ASH1L: variants seen among roughly 807,000 people sequenced by gnomAD.
The protein encoded by ASH1L is histone-lysine N-methyltransferase ASH1L.
In ASH1L, 23 loss-of-function variants were observed where a neutral mutation model predicts 269.0. That is an observed-to-expected ratio of 0.09 (90% CI 0.06 to 0.12). The LOEUF (loss-of-function observed/expected upper bound fraction) is 0.12, where lower values mean the gene tolerates loss of function less well. Among genes scored for constraint, ASH1L ranks in the 10% least tolerant of loss-of-function variants. The pLI, the probability that ASH1L is intolerant of heterozygous loss-of-function variation, is 1.00. For missense variants in ASH1L, 2,912 were observed against 3,567.8 expected (o/e 0.82, Z 4.68); for synonymous variants, 1,187 against 1,253.5 (o/e 0.95, Z 1.12).
At chr1:155,346,507 A>G in intron 20 of ASH1L, 38 bp from the exon 21 acceptor site, 1 of 1,575,452 alleles carries the variant, frequency 6.3e-7, no homozygotes. Context: ...CATGGAGGCT[A>G]TGACTTATTG....
chr1:155,531,453 T>A (rs1571081610), intron 1 of ASH1L, among the ~76,000 whole-genome samples: 1 of 151,544 alleles, frequency 6.6e-6, no homozygotes, highest in Admixed American at 6.6e-5. Flanking sequence ...GCCTCCCGGG[T>A]TCAAGCAAAG....
intron 12 of ASH1L, among the ~76,000 whole-genome samples, chr1:155,366,424 CG>C (rs1209926794): frequency 6.6e-6 from 1 of 152,144 alleles, no homozygotes; most frequent in East Asian, 1.9e-4. Flanking sequence ...CAGCAGCCCT[CG>C]GGGCTGCTCT....
chr1:155,475,076 CT>C (rs1228467360), intron 3 of ASH1L, among the ~76,000 whole-genome samples: 1 of 152,170 alleles, frequency 6.6e-6, no homozygotes, highest in Non-Finnish European at 1.5e-5. Flanking sequence ...CACGATGAAG[CT>C]TTTTTCAGTT....
chr1:155,558,186 T>A (rs1671723142), intron 1 of ASH1L, among the ~76,000 whole-genome samples: 1 of 152,236 alleles, frequency 6.6e-6, no homozygotes, highest in Non-Finnish European at 1.5e-5. Flanking sequence ...TAAGAAGTGA[T>A]GTGCAGGTGC....
chr1:155,460,404 T>C (rs1664205754), intron 3 of ASH1L, among the ~76,000 whole-genome samples: 1 of 152,140 alleles, frequency 6.6e-6, no homozygotes, highest in African/African-American at 2.4e-5. Context: ...GGTCAAGAGT[T>C]TGAGACCAGC....
chr1:155,532,547 C>T (rs934196541), intron 1 of ASH1L, among the ~76,000 whole-genome samples: 2 of 151,946 alleles, frequency 1.3e-5, no homozygotes, highest in East Asian at 3.9e-4. Flanking sequence ...CTGGGCTGGG[C>T]GTGGTTGCTC....
chr1:155,481,189 T>C lies in ASH1L; in HGVS notation c.1681A>G (p.Thr561Ala), dbSNP rs1334249622. 3 of 1,613,586 alleles carry C rather than the reference T, an allele frequency of 1.9e-6. No homozygotes were observed. Among genetic ancestry groups the C allele is most frequent in the East Asian group, 2.2e-5 (1 of 44,868 alleles). The part of the protein sequence containing the change: ...GESNLPSPSP[T>A]VSVNPLTRSP... ...CTGGTTAAAGGATTAACAGATACAGTAGGTGATGGGGAAGGGAGATTGCTT... is the reference window on the plus strand; with the variant it reads ...CTGGTTAAAGGATTAACAGATACAGCAGGTGATGGGGAAGGGAGATTGCTT... The change falls in exon 3 of 28, where the codon ACT becomes GCT. Residue 561 changes from threonine (T) to alanine (A), a missense_variant. Physicochemically the swap from Thr to Ala is moderately conservative, Grantham distance 58 (BLOSUM62 0). Around this residue, in one of 13 missense-constraint regions of ASH1L, gnomAD observed 715 missense variants for 721.0 expected, o/e 0.99. Coordinates refer to ENST00000392403, the MANE Select transcript of ASH1L (RefSeq NM_018489.3).
intron 5 of ASH1L, among the ~76,000 whole-genome samples, chr1:155,425,165 A>C (rs1381069916): frequency 6.6e-6 from 1 of 151,788 alleles, no homozygotes; most frequent in Non-Finnish European, 1.5e-5. Context: ...AGACAGGGTC[A>C]CCATGTTGGT....
rs75059306 is a variant in ASH1L at position 155,340,653 on chromosome 1, G to A, written c.8460+1283C>T. ...ATGACAAAACGTATAATTGGCACAC[G>A]GTTCTCAACAATTTGAAAGAAAAAA... On this transcript the variant is annotated intron_variant, in intron 25 of 27. Transcript: ENST00000392403. Among the ~76,000 whole-genome samples the A allele has an allele frequency of 6.1e-3, 935 of 152,062 alleles. 10 individuals are homozygous for A. Among genetic ancestry groups the A allele is most frequent in the African/African-American group, 0.022 (910 of 41,478 alleles).
At chr1:155,434,245 C>T in intron 5 of ASH1L, 1 of 1,601,568 alleles carries the variant, frequency 6.2e-7, no homozygotes, top group South Asian at 1.1e-5. Flanking sequence ...CCTGGGCTCT[C>T]CCATGCATTC....
intron 4 of ASH1L, among the ~76,000 whole-genome samples, chr1:155,448,816 G>T (rs763911986): frequency 1.3e-5 from 2 of 151,166 alleles, no homozygotes; most frequent in Non-Finnish European, 3.0e-5. Flanking sequence ...TTCTAATGCA[G>T]GTTTTACTTG....
intron 5 of ASH1L, among the ~76,000 whole-genome samples, chr1:155,430,472 T>C (rs1215857377): frequency 6.6e-6 from 1 of 152,248 alleles, no homozygotes; most frequent in Non-Finnish European, 1.5e-5. Flanking sequence ...GAGTATGTTT[T>C]GTTAAAATTG....
At chr1:155,468,231 A>AT (rs141205897) in intron 3 of ASH1L, among the ~76,000 whole-genome samples, 49,326 of 148,716 alleles carry the variant, frequency 0.33, 8,566 homozygotes, top group East Asian at 0.72. Context: ...TATTATTATT[A>AT]TTTTTTTTTT....
At chr1:155,501,957 G>A (rs1464226201) in intron 2 of ASH1L, among the ~76,000 whole-genome samples, 2 of 151,890 alleles carry the variant, frequency 1.3e-5, no homozygotes, top group Non-Finnish European at 2.9e-5. Context: ...CACTGCACTC[G>A]GCCTAGAGAT....
At position 155,473,836 on chromosome 1, in the gene ASH1L, T is replaced by C. The variant is rs575354602; in HGVS notation, c.4984+4050A>G. On this transcript the variant is annotated intron_variant, in intron 3 of 27. Transcript: ENST00000392403. ...TAAGACATTTAGTCTTAACAATATA[T>C]ATACATATATTTTTTTTGAGACAGA... Among the ~76,000 whole-genome samples the C allele has an allele frequency of 9.9e-5, 15 of 152,118 alleles. No homozygotes were observed. In the South Asian group the frequency reaches 3.1e-3, roughly 32 times the overall value.
intron 7 of ASH1L, among the ~76,000 whole-genome samples, chr1:155,387,037 G>A (rs777861771): frequency 1.3e-5 from 2 of 151,250 alleles, no homozygotes; most frequent in Non-Finnish European, 1.5e-5. Context: ...GGAGTGCAGC[G>A]ATCTCAGCTC....
At chr1:155,425,830 A>T (rs1453839715) in intron 5 of ASH1L, among the ~76,000 whole-genome samples, 1 of 151,652 alleles carries the variant, frequency 6.6e-6, no homozygotes, top group Non-Finnish European at 1.5e-5. Flanking sequence ...CACCCACCTC[A>T]GCCTCCCAAA....
chr1:155,444,136 A>G (rs1301471408), intron 4 of ASH1L, among the ~76,000 whole-genome samples: 1 of 151,922 alleles, frequency 6.6e-6, no homozygotes, highest in Non-Finnish European at 1.5e-5. Flanking sequence ...GGCACCTGCC[A>G]CCATGCCTGG....
intron 3 of ASH1L, among the ~76,000 whole-genome samples, chr1:155,467,309 A>C (rs1158670702): frequency 6.6e-6 from 1 of 152,310 alleles, no homozygotes; most frequent in Non-Finnish European, 1.5e-5. Context: ...CCTAACATAC[A>C]TACATAAATT....
Sources: gnomAD v4.1 joint callset for allele counts (sites outside exome capture counted in the v4.1 genomes callset) on GRCh38, gnomAD v4.1.1 for gene constraint, gnomAD v4.1.1 regional missense constraint, MANE v1.5 for transcripts, NCBI Gene and HGNC (gene_info 2026-07-23, HGNC 2026-07-21) for gene names.